Variants in ENTREP2 observed in about 807,000 individuals in gnomAD.
ENTREP2 encodes protein ENTREP2.
the ENTREP2 span, among the ~76,000 whole-genome samples, chr15:29,657,483 C>CGGGGGGGGGGGGGGG: frequency 1.7e-4 from 12 of 69,428 alleles, no homozygotes; most frequent in Admixed American, 5.1e-4. Context: ...GCTGGGGGGG[C>CGGGGGGGGGGGGGGG]GGGGGGGGGG....
At chr15:29,234,767 T>G in the ENTREP2 span, 2 of 1,494,538 alleles carry the variant, frequency 1.3e-6, no homozygotes. Flanking sequence ...TTGCTCAACA[T>G]TGGTATAAAA....
the ENTREP2 span, among the ~76,000 whole-genome samples, chr15:29,627,311 G>A: frequency 2.4e-3 from 358 of 152,196 alleles, no homozygotes; most frequent in African/African-American, 8.2e-3. Context: ...TTGGGAGGCC[G>A]AGGTGGGTGG....
the ENTREP2 span, among the ~76,000 whole-genome samples, chr15:29,185,114 T>C: frequency 6.6e-6 from 1 of 151,808 alleles, no homozygotes; most frequent in Admixed American, 6.6e-5. Context: ...TAGTTCAACA[T>C]ACAGAAAATA....
the ENTREP2 span, among the ~76,000 whole-genome samples, chr15:29,166,779 C>T: frequency 6.6e-6 from 1 of 152,144 alleles, no homozygotes; most frequent in Non-Finnish European, 1.5e-5. Context: ...CAATCCCCAT[C>T]AAAATACCAC....
chr15:29,291,249 G>T, the ENTREP2 span, among the ~76,000 whole-genome samples: 1 of 152,140 alleles, frequency 6.6e-6, no homozygotes, highest in East Asian at 1.9e-4. Context: ...AAATTTCAAG[G>T]GTTTTTTTGT....
the ENTREP2 span, among the ~76,000 whole-genome samples, chr15:29,441,183 C>G: frequency 6.6e-6 from 1 of 152,180 alleles, no homozygotes; most frequent in Admixed American, 6.5e-5. Flanking sequence ...CCTGAGGACA[C>G]TGTGCTGAGC....
the ENTREP2 span, among the ~76,000 whole-genome samples, chr15:29,431,348 G>A: frequency 6.6e-6 from 1 of 152,102 alleles, no homozygotes; most frequent in Non-Finnish European, 1.5e-5. Flanking sequence ...AAATTTTGAT[G>A]AAACAGGTCT....
At chr15:29,529,858 G>A in the ENTREP2 span, among the ~76,000 whole-genome samples, 2 of 152,094 alleles carry the variant, frequency 1.3e-5, no homozygotes, top group Non-Finnish European at 1.5e-5. Flanking sequence ...ACAGGTTTAT[G>A]GCCATTCTGA....
At chr15:29,579,412 GT>G in the ENTREP2 span, among the ~76,000 whole-genome samples, 27 of 151,988 alleles carry the variant, frequency 1.8e-4, no homozygotes, top group African/African-American at 6.3e-4. Flanking sequence ...CAAGCTATAT[GT>G]TCAGTGGTAA....
chr15:29,649,579 G>C, the ENTREP2 span, among the ~76,000 whole-genome samples: 1 of 151,938 alleles, frequency 6.6e-6, no homozygotes, highest in Non-Finnish European at 1.5e-5. Flanking sequence ...AAACTAGCCA[G>C]GCGTGGTGAT....
chr15:29,673,042 G>T, the ENTREP2 span, among the ~76,000 whole-genome samples: 18 of 152,050 alleles, frequency 1.2e-4, no homozygotes, highest in Non-Finnish European at 2.2e-4. Flanking sequence ...GGAACTGAAG[G>T]TTACTCCCTC....
chr15:29,537,997 G>A, the ENTREP2 span, among the ~76,000 whole-genome samples: 1 of 152,104 alleles, frequency 6.6e-6, no homozygotes, highest in Non-Finnish European at 1.5e-5. Context: ...CTACAAAGGG[G>A]CCTTCCCAAC....
At chr15:29,440,501 T>C in the ENTREP2 span, among the ~76,000 whole-genome samples, 1 of 152,234 alleles carries the variant, frequency 6.6e-6, no homozygotes. Flanking sequence ...GTTTCCAACA[T>C]TAGCATGAAG....
the ENTREP2 span, among the ~76,000 whole-genome samples, chr15:29,671,699 G>T: frequency 1.1e-4 from 16 of 152,262 alleles, no homozygotes; most frequent in East Asian, 1.7e-3. Context: ...ATTAAGAAAA[G>T]AAACCTTTTA....
the ENTREP2 span, among the ~76,000 whole-genome samples, chr15:29,366,578 G>A: frequency 6.6e-6 from 1 of 152,092 alleles, no homozygotes; most frequent in Non-Finnish European, 1.5e-5. Flanking sequence ...GTGCTTCCCT[G>A]TAGCCATTCT....
At chr15:29,235,031 T>C in the ENTREP2 span, 1 of 1,209,172 alleles carries the variant, frequency 8.3e-7, no homozygotes, top group African/African-American at 1.5e-5. Context: ...TTAGATAAAT[T>C]CTCTTCTTCC....
the ENTREP2 span, among the ~76,000 whole-genome samples, chr15:29,425,867 A>G: frequency 3.3e-5 from 5 of 152,008 alleles, no homozygotes; most frequent in African/African-American, 1.2e-4. Flanking sequence ...GATTTTATCA[A>G]AACAACCACA....
chr15:29,405,113 G>A, the ENTREP2 span, among the ~76,000 whole-genome samples: 1 of 152,186 alleles, frequency 6.6e-6, no homozygotes, highest in African/African-American at 2.4e-5. Flanking sequence ...ACCTGGCTGG[G>A]CGTGGTGGCT....
chr15:29,310,128 G>C, the ENTREP2 span, among the ~76,000 whole-genome samples: 2 of 152,112 alleles, frequency 1.3e-5, no homozygotes. Flanking sequence ...ACTAGAAAGG[G>C]GGGGCAGGAC....
Sources: gnomAD v4.1 joint callset for allele counts (sites outside exome capture counted in the v4.1 genomes callset) on GRCh38, gnomAD v4.1.1 for gene constraint, MANE v1.5 for transcripts, NCBI Gene and HGNC (gene_info 2026-07-23, HGNC 2026-07-21) for gene names.